Variants in NFAM1 observed in about 807,000 individuals in gnomAD.
NFAM1 encodes NFAT activation molecule 1.
Under a neutral mutation model 29.0 loss-of-function variants are expected in NFAM1, and 17 were observed. The ratio of observed to expected loss-of-function variants is 0.59; its 90% CI spans 0.40 to 0.88. The LOEUF is 0.88. Ranked by LOEUF, NFAM1 falls within the 40% of genes least tolerant of loss-of-function variation. NFAM1 has a pLI of 0.00. For synonymous variants in NFAM1, 175 were observed against 147.2 expected, an observed-to-expected ratio of 1.19 and a Z score of -1.36; for missense variants, 324 against 344.6, an observed-to-expected ratio of 0.94 and a Z score of 0.47.
At chr22:42,420,467 C>T (rs1379117915) in intron 1 of NFAM1, among the ~76,000 whole-genome samples, 1 of 147,082 alleles carries the variant, frequency 6.8e-6, no homozygotes. Flanking sequence ...GAGAGACCCT[C>T]TCTCAAAAAA....
chr22:42,392,480 G>A (rs1929378071), intron 4 of NFAM1, among the ~76,000 whole-genome samples: 1 of 152,016 alleles, frequency 6.6e-6, no homozygotes, highest in Non-Finnish European at 1.5e-5. Context: ...GAGAGGGAGA[G>A]GGGCTGAAGG....
rs1929095708 is a variant in NFAM1, at chr22:42,385,210, T to C, written c.764A>G (p.His255Arg). 1.2e-6 allele frequency: 2 copies of C among 1,609,704 alleles called. No homozygotes were observed. The highest frequency in any genetic ancestry group is 1.7e-6 in the Non-Finnish European group (2 of 1,175,944). Reference protein sequence around the residue: ...KQSPLSQERPHRFEDDGELNL... With the variant: ...KQSPLSQERPRRFEDDGELNL... ...AAGTTCGCCATCATCTTCGAATCTA[T>C]GCGGTCTCTCCTGGATAGAAAAGAA... Residue 255 changes from histidine (H) to arginine (R), a missense_variant, in exon 6 of 6, where the codon CAT (histidine) becomes CGT (arginine). Physicochemically the swap from His to Arg is conservative, Grantham distance 29. Coordinates refer to ENST00000329021, the MANE Select transcript of NFAM1 (RefSeq NM_145912.8).
intron 1 of NFAM1, among the ~76,000 whole-genome samples, 189 bp from the exon 2 acceptor site, chr22:42,411,925 C>T (rs1207024065): frequency 6.6e-6 from 1 of 152,162 alleles, no homozygotes; most frequent in Non-Finnish European, 1.5e-5. Context: ...TGGTGAAACC[C>T]CGTCTCTACT....
At chr22:42,410,266 C>T (rs1313480747) in intron 2 of NFAM1, 2 of 225,408 alleles carry the variant, frequency 8.9e-6, no homozygotes, top group Non-Finnish European at 1.8e-5. Context: ...GATTCCGAAG[C>T]CCCCAGCTCC....
At chr22:42,399,311 G>A (rs1307908856) in intron 3 of NFAM1, among the ~76,000 whole-genome samples, 2 of 152,014 alleles carry the variant, frequency 1.3e-5, no homozygotes, top group Non-Finnish European at 2.9e-5. Flanking sequence ...GCTGGGCATG[G>A]TTGTGGGCGC....
intron 4 of NFAM1, among the ~76,000 whole-genome samples, chr22:42,392,283 G>A (rs1044364242): frequency 1.3e-5 from 2 of 152,162 alleles, no homozygotes; most frequent in African/African-American, 4.8e-5. Flanking sequence ...GAATGTTCTG[G>A]AAGCAAGTGA....
chr22:42,387,095 G>C lies in NFAM1; in HGVS notation c.664-17C>G, dbSNP rs778947207. The C allele has an allele frequency of 2.7e-6, 4 of 1,502,416 alleles. No homozygotes were observed. Among genetic ancestry groups the C allele is most frequent in the Non-Finnish European group, 3.6e-6 (4 of 1,097,954 alleles). 93.1% of individuals were successfully genotyped at this position (1,502,416 alleles called of 1,614,324 possible). ...CTGCAGAGCCTACAGGAAACGGGGTGCCAGGATCAGGGGCAAGTGTGTAGA... is the reference window on the plus strand; with the variant it reads ...CTGCAGAGCCTACAGGAAACGGGGTCCCAGGATCAGGGGCAAGTGTGTAGA... On this transcript the variant is annotated splice_polypyrimidine_tract_variant and intron_variant, in intron 4 of 5. Transcript: ENST00000329021.
At chr22:42,414,547 T>G (rs751007339) in intron 1 of NFAM1, among the ~76,000 whole-genome samples, 3 of 151,696 alleles carry the variant, frequency 2.0e-5, no homozygotes, top group Non-Finnish European at 2.9e-5. Flanking sequence ...AAGGCCAGCC[T>G]GGGCATCAAA....
At chr22:42,432,846 G>A (rs965946636), upstream of NFAM1, among the ~76,000 whole-genome samples, 1 of 152,192 alleles carries the variant, frequency 6.6e-6, no homozygotes, top group Non-Finnish European at 1.5e-5. Flanking sequence ...TGGTAGGGAG[G>A]CTGGGGTGAA....
chr22:42,426,159 G>A (rs1265208865), intron 1 of NFAM1, among the ~76,000 whole-genome samples: 4 of 152,206 alleles, frequency 2.6e-5, no homozygotes, highest in Admixed American at 2.6e-4. Flanking sequence ...GTGGCCATAA[G>A]GAGCAGGCAC....
intron 3 of NFAM1, among the ~76,000 whole-genome samples, chr22:42,404,144 G>A (rs771743605): frequency 1.2e-4 from 18 of 152,124 alleles, no homozygotes; most frequent in East Asian, 3.9e-4. Flanking sequence ...TGTGAGCTCC[G>A]TGCCCTCCCT....
intron 1 of NFAM1, among the ~76,000 whole-genome samples, chr22:42,424,402 G>A (rs755611590): frequency 1.3e-5 from 2 of 149,966 alleles, no homozygotes; most frequent in Non-Finnish European, 3.0e-5. Context: ...GGGATAGAGC[G>A]AGACTCCGTC....
chr22:42,403,228 G>C (rs1035195143), intron 3 of NFAM1, among the ~76,000 whole-genome samples: 1 of 152,176 alleles, frequency 6.6e-6, no homozygotes, highest in East Asian at 1.9e-4. Flanking sequence ...GCTCAAGCTC[G>C]CAGAGGTTGG....
chr22:42,435,626 T>C (rs1930920431), upstream of NFAM1, among the ~76,000 whole-genome samples: 1 of 151,838 alleles, frequency 6.6e-6, no homozygotes, highest in Middle Eastern at 3.4e-3. Flanking sequence ...CGATTATAGG[T>C]GTGAGCCACT....
chr22:42,423,812 C>T (rs1399595284), intron 1 of NFAM1, among the ~76,000 whole-genome samples: 1 of 151,900 alleles, frequency 6.6e-6, no homozygotes, highest in Non-Finnish European at 1.5e-5. Context: ...TCTCTGCCTC[C>T]CAGGTTCAAG....
chr22:42,398,415 ATTATTAT>A (rs1199710625), intron 3 of NFAM1, among the ~76,000 whole-genome samples: 1 of 134,928 alleles, frequency 7.4e-6, no homozygotes, highest in Non-Finnish European at 1.6e-5. Context: ...TATTATTATT[ATTATTAT>A]TATTATTTGA....
At chr22:42,421,015 G>T (rs1193792278) in intron 1 of NFAM1, among the ~76,000 whole-genome samples, 1 of 152,110 alleles carries the variant, frequency 6.6e-6, no homozygotes, top group Non-Finnish European at 1.5e-5. Flanking sequence ...CCCAAAACAG[G>T]AGTGACCCCC....
Position 42,382,022 on chromosome 22 carries a change from G to A in NFAM1, c.*3139C>T, listed in dbSNP as rs940889019. 6.6e-6 allele frequency: 1 copy of A among 152,516 alleles called. No homozygotes were observed. Among genetic ancestry groups the A allele is most frequent in the African/African-American group, 2.4e-5 (1 of 41,460 alleles). 9.4% of individuals were successfully genotyped at this position (152,516 alleles called of 1,614,324 possible). ...ACTGAGCTTCTGCCTGAGCCAGGGAGTCCCCTTCTGTCCTTTCTGAGACAC... is the reference window on the plus strand; with the variant it reads ...ACTGAGCTTCTGCCTGAGCCAGGGAATCCCCTTCTGTCCTTTCTGAGACAC... On this transcript the variant is annotated 3_prime_UTR_variant, in exon 6 of 6. Coordinates refer to ENST00000329021, the MANE Select transcript of NFAM1 (RefSeq NM_145912.8).
At chr22:42,436,804 A>C (rs1162055430), upstream of NFAM1, among the ~76,000 whole-genome samples, 1 of 152,246 alleles carries the variant, frequency 6.6e-6, no homozygotes, top group Admixed American at 6.5e-5. Context: ...GCCCAAGGCC[A>C]CACAGCGAAG....
Sources: allele counts gnomAD v4.1 joint callset (sites outside exome capture counted in the v4.1 genomes callset), GRCh38; gene constraint gnomAD v4.1.1; transcripts MANE v1.5; gene names NCBI Gene and HGNC (gene_info 2026-07-23, HGNC 2026-07-21).